PPP1R42: variants seen among roughly 807,000 people sequenced by gnomAD.
The protein encoded by PPP1R42 is leucine rich repeat containing 67.
In PPP1R42, 34 loss-of-function variants were observed where a neutral mutation model predicts 31.0. The ratio of observed to expected loss-of-function variants is 1.10; its 90% CI spans 0.83 to 1.46. The LOEUF is 1.46. Among genes scored for constraint, PPP1R42 ranks in the 40% most tolerant of loss-of-function variants. PPP1R42 has a pLI of 0.00. For missense variants in PPP1R42, 268 were observed against 303.0 expected, an observed-to-expected ratio of 0.88 and a Z score of 0.86; for synonymous variants, 103 against 109.8, an observed-to-expected ratio of 0.94 and a Z score of 0.39.
intron 7 of PPP1R42, among the ~76,000 whole-genome samples, chr8:66,967,500 C>G (rs1444333627): frequency 6.6e-6 from 1 of 152,146 alleles, no homozygotes; most frequent in Non-Finnish European, 1.5e-5. Context: ...AGTTTTGTGA[C>G]TAAAAATATC....
intron 7 of PPP1R42, among the ~76,000 whole-genome samples, chr8:66,976,516 A>C (rs1013043626): frequency 4.0e-5 from 6 of 151,658 alleles, no homozygotes; most frequent in Non-Finnish European, 7.4e-5. Context: ...TGTAACCTTT[A>C]CCAAATCTCT....
At chr8:67,028,073 C>G (rs1198360460) in intron 1 of PPP1R42, among the ~76,000 whole-genome samples, 2 of 152,184 alleles carry the variant, frequency 1.3e-5, no homozygotes, top group African/African-American at 4.8e-5. Flanking sequence ...GGAATTCCCA[C>G]AGACTAGAGG....
chr8:66,985,425 T>C, intron 6 of PPP1R42: 1 of 773,218 alleles, frequency 1.3e-6, no homozygotes, highest in Non-Finnish European at 2.3e-6. Flanking sequence ...TCTCCTTGCC[T>C]GTTGCATCTA....
At chr8:66,973,613 A>G (rs549119515) in intron 7 of PPP1R42, among the ~76,000 whole-genome samples, 15 of 152,124 alleles carry the variant, frequency 9.9e-5, no homozygotes, top group South Asian at 6.2e-4. Context: ...GCCAAAATCT[A>G]CCCTCTTAAC....
At chr8:66,984,420 G>A in intron 6 of PPP1R42, 1 of 1,320,300 alleles carries the variant, frequency 7.6e-7, no homozygotes, top group Non-Finnish European at 1.1e-6. Context: ...TCTGGGTCTT[G>A]GGGCCCCCTT....
chr8:66,974,826 A>G (rs1399230211), intron 7 of PPP1R42, among the ~76,000 whole-genome samples: 3 of 152,164 alleles, frequency 2.0e-5, no homozygotes, highest in South Asian at 2.1e-4. Flanking sequence ...TGGGTGCTCT[A>G]TTTTGTTCCA....
At chr8:66,984,765 T>C in intron 6 of PPP1R42, 3 of 1,608,716 alleles carry the variant, frequency 1.9e-6, no homozygotes, top group South Asian at 1.1e-5. Flanking sequence ...GAACAGCTTC[T>C]GTTCCTAATA....
At chr8:67,021,546 C>A (rs1484228006) in intron 1 of PPP1R42, among the ~76,000 whole-genome samples, 2 of 151,962 alleles carry the variant, frequency 1.3e-5, no homozygotes, top group East Asian at 3.9e-4. Flanking sequence ...AATAACATTA[C>A]CTTGAAAATA....
chr8:67,014,633 G>A, intron 2 of PPP1R42, 41 bp from the exon 3 acceptor site: 1 of 1,415,398 alleles, frequency 7.1e-7, no homozygotes, highest in Non-Finnish European at 9.6e-7. Context: ...AATTTCTCCT[G>A]AAAACTTAAA....
At chr8:67,002,295 G>A (rs1291482744) in intron 5 of PPP1R42, among the ~76,000 whole-genome samples, 4 of 152,192 alleles carry the variant, frequency 2.6e-5, no homozygotes, top group Non-Finnish European at 2.9e-5. Context: ...TGACTCCCGG[G>A]TTCAAGCAAC....
In PPP1R42 at chr8:67,024,223, A is replaced by T. The variant is rs552096962; in HGVS notation, c.-85+4268T>A. ...ATTCATAGTTTGTAAAGTTTTTTTT[A>T]AAATCATGAATGAATGTTGATGGTT... On this transcript the variant is annotated intron_variant, in intron 1 of 7. Coordinates refer to ENST00000685739, the MANE Select transcript of PPP1R42 (RefSeq NM_001364910.1). 5.2e-4 allele frequency among the ~76,000 whole-genome samples: 79 copies of T among 152,248 alleles called. No individual in the cohort carries two copies. The East Asian group carries it at 6.7e-3, about 13-fold the overall frequency.
chr8:67,016,041 G>A (rs1385568947), intron 2 of PPP1R42, among the ~76,000 whole-genome samples: 1 of 152,304 alleles, frequency 6.6e-6, no homozygotes, highest in East Asian at 1.9e-4. Context: ...GCTCTCCAGA[G>A]AAAGTAGTCT....
chr8:67,006,313 T>A (rs973967822), intron 5 of PPP1R42, among the ~76,000 whole-genome samples: 1 of 152,212 alleles, frequency 6.6e-6, no homozygotes, highest in Non-Finnish European at 1.5e-5. Flanking sequence ...AATTCCTTCA[T>A]AGCACTTTTC....
chr8:66,971,080 T>A, intron 7 of PPP1R42: 1 of 1,534,598 alleles, frequency 6.5e-7, no homozygotes, highest in Non-Finnish European at 8.7e-7. Context: ...AAAGGCTAAT[T>A]TTGGCTTACC....
At chr8:67,024,452 C>T (rs535538231) in intron 1 of PPP1R42, among the ~76,000 whole-genome samples, 1 of 151,536 alleles carries the variant, frequency 6.6e-6, no homozygotes, top group Admixed American at 6.6e-5. Context: ...AGCTCATGCC[C>T]TACAGGCTCA....
intron 5 of PPP1R42, among the ~76,000 whole-genome samples, chr8:67,007,466 A>G (rs941130775): frequency 4.6e-5 from 7 of 152,044 alleles, no homozygotes; most frequent in Non-Finnish European, 1.0e-4. Flanking sequence ...GGTTCAAGCA[A>G]TTCTGCTTCA....
intron 7 of PPP1R42, among the ~76,000 whole-genome samples, chr8:66,966,803 T>C (rs1021176731): frequency 4.6e-5 from 7 of 152,074 alleles, no homozygotes; most frequent in Admixed American, 4.6e-4. Flanking sequence ...AAAAATTGTT[T>C]GGATAATGAA....
chr8:66,971,266 T>G, intron 7 of PPP1R42: 1 of 565,930 alleles, frequency 1.8e-6, no homozygotes, highest in Non-Finnish European at 2.7e-6. Flanking sequence ...GTAAAACTAG[T>G]AATAAAATTA....
chr8:66,964,335 C>T lies in PPP1R42; in HGVS notation c.803-1G>A. The T allele has an allele frequency of 7.9e-7, 1 of 1,259,702 alleles. No homozygotes were observed. Among genetic ancestry groups the T allele is most frequent in the Non-Finnish European group, 1.0e-6 (1 of 978,794 alleles). The allele number at this position is 1,259,702 out of a possible 1,614,324, so 78.0% of individuals were successfully genotyped here. A position where few individuals can be genotyped will look rare whatever the true frequency, so the allele number is the denominator to read the frequency against. ...TTCAGATTGCTTCAAAGAGAGATTCCTGTATTTATAGAGAGGGAAAAAAAA... is the reference window on the plus strand; with the variant it reads ...TTCAGATTGCTTCAAAGAGAGATTCTTGTATTTATAGAGAGGGAAAAAAAA... On this transcript the variant is annotated splice_acceptor_variant, in intron 7 of 7. Coordinates refer to ENST00000685739, the MANE Select transcript of PPP1R42 (RefSeq NM_001364910.1). LOFTEE classifies it high-confidence loss of function.
Sources: gnomAD v4.1 joint callset for allele counts (sites outside exome capture counted in the v4.1 genomes callset) on GRCh38, gnomAD v4.1.1 for gene constraint, MANE v1.5 for transcripts, NCBI Gene and HGNC (gene_info 2026-07-23, HGNC 2026-07-21) for gene names.